The following TTC29 variants were observed in gnomAD, a reference collection of about 807,000 sequenced individuals.
TTC29 encodes the protein tetratricopeptide repeat protein 29.
Under a neutral mutation model 58.1 loss-of-function variants are expected in TTC29, and 49 were observed. The observed-to-expected ratio is 0.84, with a 90% CI of 0.67 to 1.07. TTC29 has a LOEUF of 1.07. Among genes scored for constraint, TTC29 ranks in the 50% least tolerant of loss-of-function variants. The probability of loss-of-function intolerance (pLI) is 0.00; values close to 1 mark genes in which losing one functional copy is unlikely to be tolerated. For synonymous variants in TTC29, 209 were observed against 196.8 expected (o/e 1.06, Z -0.52); for missense variants, 582 against 555.6 (o/e 1.05, Z -0.48).
At chr4:146,896,181 T>C (rs770486322) in intron 6 of TTC29, among the ~76,000 whole-genome samples, 35 of 152,164 alleles carry the variant, frequency 2.3e-4, no homozygotes, top group Non-Finnish European at 3.8e-4. Context: ...TTTGTTGGGC[T>C]CCAGAATATG....
intron 4 of TTC29, among the ~76,000 whole-genome samples, chr4:146,916,193 T>A (rs1451061609): frequency 6.6e-6 from 1 of 151,702 alleles, no homozygotes; most frequent in Non-Finnish European, 1.5e-5. Flanking sequence ...GTAATCAGAA[T>A]TTAAAAAGTC....
At chr4:146,920,517 T>C (rs920128998) in intron 4 of TTC29, among the ~76,000 whole-genome samples, 1 of 151,130 alleles carries the variant, frequency 6.6e-6, no homozygotes, top group East Asian at 1.9e-4. Context: ...CTCTTTTCAG[T>C]AATGTAATGG....
Position 146,867,547 on chromosome 4 carries a change from T to A in TTC29, c.836A>T (p.Tyr279Phe), listed in dbSNP as rs1730642782. 1.3e-6 allele frequency: 2 copies of A among 1,555,188 alleles called. No homozygotes were observed. Among genetic ancestry groups the A allele is most frequent in the Non-Finnish European group, 1.7e-6 (2 of 1,148,960 alleles). The change falls in exon 8 of 13, where the codon TAC becomes TTC. Residue 279 changes from tyrosine to phenylalanine, a missense_variant. Physicochemically the swap from Tyr to Phe is conservative, Grantham distance 22. Coordinates refer to ENST00000325106, the MANE Select transcript of TTC29 (RefSeq NM_031956.4). ...DKKMEAEASY[Y>F]LGLAHLAAEE... Reference sequence around the variant, plus strand: ...AGCAGCTAAGTGTGCTAAGCCCAAGTAGTAAGAGGCTTCCGCTTCCATCTT... The same window carrying A: ...AGCAGCTAAGTGTGCTAAGCCCAAGAAGTAAGAGGCTTCCGCTTCCATCTT...
intron 4 of TTC29, among the ~76,000 whole-genome samples, chr4:146,910,139 G>A (rs1263906003): frequency 4.0e-5 from 6 of 151,834 alleles, no homozygotes; most frequent in Admixed American, 3.3e-4. Flanking sequence ...ACGACATGAT[G>A]TGATACTACT....
rs373639933 is a variant in TTC29, at chr4:146,860,372, CAT to C, written c.885+7124_885+7125del. 4.0e-3 allele frequency among the ~76,000 whole-genome samples: 606 copies of C among 152,274 alleles called. 7 individuals carry two copies. Among genetic ancestry groups the C allele is most frequent in the African/African-American group, 0.014 (563 of 41,564 alleles). ...CACTAAGGATATATTATTTTACACA[CAT>C]GATACATATCTTCCATTGTTAATAA... On this transcript the variant is annotated intron_variant, in intron 8 of 12. Coordinates refer to ENST00000325106, the MANE Select transcript of TTC29 (RefSeq NM_031956.4).
chr4:146,841,250 A>T (rs1728833010), intron 8 of TTC29, among the ~76,000 whole-genome samples: 2 of 152,108 alleles, frequency 1.3e-5, no homozygotes, highest in South Asian at 4.1e-4. Context: ...GTTTTCTGTT[A>T]TTCCAAGTTT....
intron 10 of TTC29, among the ~76,000 whole-genome samples, chr4:146,818,315 C>A (rs1337510841): frequency 1.3e-5 from 2 of 152,124 alleles, no homozygotes; most frequent in Non-Finnish European, 2.9e-5. Context: ...TTTATGCAGC[C>A]AAAATACACA....
At chr4:146,943,764 G>GT (rs1403014587) in intron 2 of TTC29, among the ~76,000 whole-genome samples, 1 of 152,140 alleles carries the variant, frequency 6.6e-6, no homozygotes, top group Admixed American at 6.5e-5. Flanking sequence ...TTCAAGCAGG[G>GT]TTTGCAGTAC....
chr4:146,759,083 T>C (rs1017283317), intron 11 of TTC29, among the ~76,000 whole-genome samples: 3 of 151,932 alleles, frequency 2.0e-5, no homozygotes, highest in East Asian at 1.9e-4. Context: ...TGGTAGACCA[T>C]TGGCAAGATT....
chr4:146,837,596 T>C (rs1728595834), intron 8 of TTC29, among the ~76,000 whole-genome samples: 1 of 152,036 alleles, frequency 6.6e-6, no homozygotes, highest in South Asian at 2.1e-4. Context: ...TAAATATTGA[T>C]CAACTTGAAT....
intron 11 of TTC29, among the ~76,000 whole-genome samples, chr4:146,727,842 A>G (rs973991837): frequency 2.0e-5 from 3 of 152,244 alleles, no homozygotes; most frequent in Admixed American, 6.5e-5. Context: ...TTTTTAACTC[A>G]GCTGAATAAA....
intron 6 of TTC29, among the ~76,000 whole-genome samples, chr4:146,889,588 A>G (rs1467860776): frequency 6.6e-6 from 1 of 152,156 alleles, no homozygotes; most frequent in African/African-American, 2.4e-5. Flanking sequence ...AAAATAAAAT[A>G]CCACACTAAA....
intron 11 of TTC29, among the ~76,000 whole-genome samples, chr4:146,731,263 C>G (rs1744310023): frequency 1.3e-5 from 2 of 151,532 alleles, no homozygotes. Flanking sequence ...TAGTTGAGAG[C>G]AAATATAGGG....
rs564565846 is a variant in TTC29 at position 146,940,058 on chromosome 4, G to A, written c.-6-157C>T. Reference sequence around the variant, plus strand: ...ATTCGGGAATCATGCTCAGTGAGTGGATTCTGCAGGTTGCTTCTCTCATTA... The same window carrying A: ...ATTCGGGAATCATGCTCAGTGAGTGAATTCTGCAGGTTGCTTCTCTCATTA... On this transcript the variant is annotated intron_variant, in intron 2 of 12. Transcript: ENST00000325106. Among the ~76,000 whole-genome samples, 9 of 152,298 alleles carry A rather than the reference G, an allele frequency of 5.9e-5. No homozygotes were observed. The South Asian group carries it at 1.2e-3, about 21-fold the overall frequency.
chr4:146,872,777 A>G (rs1301249664), intron 7 of TTC29, among the ~76,000 whole-genome samples: 2 of 152,124 alleles, frequency 1.3e-5, no homozygotes, highest in East Asian at 1.9e-4. Flanking sequence ...ACCCTCACAT[A>G]AAACTAGTGG....
At chr4:146,755,555 T>C (rs1297729834) in intron 11 of TTC29, among the ~76,000 whole-genome samples, 1 of 152,156 alleles carries the variant, frequency 6.6e-6, no homozygotes, top group Non-Finnish European at 1.5e-5. Flanking sequence ...ATAGGGACGA[T>C]AGGTAATAAG....
intron 11 of TTC29, among the ~76,000 whole-genome samples, chr4:146,771,736 C>CT (rs1223207113): frequency 2.0e-5 from 3 of 152,096 alleles, no homozygotes; most frequent in Non-Finnish European, 4.4e-5. Context: ...ATGCATGTGT[C>CT]TTTACGTAGA....
intron 2 of TTC29, among the ~76,000 whole-genome samples, chr4:146,941,030 G>A (rs1334060753): frequency 6.6e-6 from 1 of 152,160 alleles, no homozygotes; most frequent in Admixed American, 6.5e-5. Context: ...TGAGCAATTA[G>A]GAAGGCAAGT....
At chr4:146,755,099 C>A (rs750312868) in intron 11 of TTC29, among the ~76,000 whole-genome samples, 1 of 151,810 alleles carries the variant, frequency 6.6e-6, no homozygotes, top group African/African-American at 2.4e-5. Flanking sequence ...CAAATAGCCA[C>A]CTTATTGAAA....
Sources: gnomAD v4.1 joint callset for allele counts (sites outside exome capture counted in the v4.1 genomes callset) on GRCh38, gnomAD v4.1.1 for gene constraint, MANE v1.5 for transcripts, NCBI Gene and HGNC (gene_info 2026-07-23, HGNC 2026-07-21) for gene names.